Variants in PACSIN2 observed in about 807,000 individuals in gnomAD.
PACSIN2 encodes protein kinase C and casein kinase substrate in neurons 2, also known as protein kinase C and casein kinase substrate in neurons protein 2.
In PACSIN2, 25 loss-of-function variants were observed where a neutral mutation model predicts 63.8. The observed-to-expected ratio is 0.39, with a 90% CI of 0.29 to 0.55. The LOEUF is 0.55. PACSIN2 is among the 20% of genes least tolerant of loss of function. PACSIN2 has a pLI of 0.62. For synonymous variants in PACSIN2, 255 were observed against 256.2 expected (o/e 1.00, Z 0.05); for missense variants, 518 against 646.9 (o/e 0.80, Z 2.16).
chr22:42,903,197 G>C (rs573471196), intron 2 of PACSIN2, among the ~76,000 whole-genome samples: 117 of 152,330 alleles, frequency 7.7e-4, no homozygotes, highest in African/African-American at 2.8e-3. Context: ...CCAGGACTGA[G>C]TCCCTTCTCC....
intron 1 of PACSIN2, among the ~76,000 whole-genome samples, chr22:42,929,166 T>C (rs1932715680): frequency 6.6e-6 from 1 of 152,214 alleles, no homozygotes; most frequent in Non-Finnish European, 1.5e-5. Context: ...GACCCCAATG[T>C]CCGGGCTTGA....
intron 2 of PACSIN2, among the ~76,000 whole-genome samples, chr22:42,894,664 T>C (rs931396186): frequency 6.6e-6 from 1 of 152,240 alleles, no homozygotes; most frequent in Non-Finnish European, 1.5e-5. Context: ...ATCAAAGTTA[T>C]AAGTAATAAA....
chr22:43,000,016 C>A (rs1367048713), intron 1 of PACSIN2, among the ~76,000 whole-genome samples: 1 of 152,190 alleles, frequency 6.6e-6, no homozygotes, highest in Non-Finnish European at 1.5e-5. Flanking sequence ...TATCATGATC[C>A]CCATTTCAAA....
intron 1 of PACSIN2, among the ~76,000 whole-genome samples, chr22:43,012,131 G>A (rs1012055735): frequency 1.1e-4 from 16 of 150,942 alleles, no homozygotes; most frequent in Middle Eastern, 3.2e-3. Flanking sequence ...GCGACAGAGC[G>A]AGACTCTGTC....
At chr22:42,905,163 G>A (rs952879551) in intron 2 of PACSIN2, among the ~76,000 whole-genome samples, 8 of 152,128 alleles carry the variant, frequency 5.3e-5, no homozygotes, top group African/African-American at 1.7e-4. Flanking sequence ...ACAAAACCCC[G>A]AAGTGCTAAA....
At chr22:42,903,907 C>G (rs764295552) in intron 2 of PACSIN2, among the ~76,000 whole-genome samples, 1 of 152,054 alleles carries the variant, frequency 6.6e-6, no homozygotes, top group Non-Finnish European at 1.5e-5. Flanking sequence ...TCCTCAAGTA[C>G]GAAGGTGAAG....
chr22:42,979,695 G>A (rs5759070), intron 1 of PACSIN2, among the ~76,000 whole-genome samples: 86,157 of 151,390 alleles, frequency 0.57, 24,868 homozygotes, highest in East Asian at 0.77. Context: ...TCTGTCTTAA[G>A]GCACCTGCCG....
In PACSIN2 at chr22:42,870,942, ACCT is replaced by A. The variant is rs1928060698; in HGVS notation, c.*412_*414del. ...ACTGTACACAGCCTTTAAATTAAAA[ACCT>A]CAAAATCTTCACTCAAAATGGGATG... On this transcript the variant is annotated 3_prime_UTR_variant, in exon 11 of 11. Coordinates refer to ENST00000263246, the MANE Select transcript of PACSIN2 (RefSeq NM_001184970.3). 4.9e-6 allele frequency: 1 copy of A among 202,294 alleles called. No individual in the cohort carries two copies. The highest frequency in any genetic ancestry group is 1.0e-5 in the Non-Finnish European group (1 of 97,262). 12.5% of individuals were successfully genotyped at this position (202,294 alleles called of 1,614,324 possible). A position where few individuals can be genotyped will look rare whatever the true frequency, so the allele number is the denominator to read the frequency against.
intron 1 of PACSIN2, among the ~76,000 whole-genome samples, chr22:42,973,552 T>C (rs1921477070): frequency 6.6e-6 from 1 of 152,256 alleles, no homozygotes; most frequent in South Asian, 2.1e-4. Context: ...CATATACACT[T>C]TGGAATTTAC....
chr22:42,878,425 T>C (rs533736339), intron 8 of PACSIN2, among the ~76,000 whole-genome samples: 2 of 152,322 alleles, frequency 1.3e-5, no homozygotes, highest in South Asian at 4.1e-4. Context: ...GAGTGTCACA[T>C]GGAGGCCTGT....
chr22:42,940,444 G>C (rs1467573820), intron 1 of PACSIN2, among the ~76,000 whole-genome samples: 1 of 152,134 alleles, frequency 6.6e-6, no homozygotes, highest in Non-Finnish European at 1.5e-5. Flanking sequence ...ACACCAGGTA[G>C]CTCTCAAACT....
chr22:43,011,079 C>G (rs558982504), intron 1 of PACSIN2, among the ~76,000 whole-genome samples: 2 of 152,310 alleles, frequency 1.3e-5, no homozygotes, highest in African/African-American at 4.8e-5. Flanking sequence ...TGCAGAAATT[C>G]CTACAAAACT....
chr22:42,939,403 C>T (rs913801601), intron 1 of PACSIN2, among the ~76,000 whole-genome samples: 4 of 152,124 alleles, frequency 2.6e-5, no homozygotes, highest in African/African-American at 9.7e-5. Flanking sequence ...TTGATATTAA[C>T]ATGAGAATTC....
chr22:42,909,567 T>A, intron 2 of PACSIN2: 1 of 471,120 alleles, frequency 2.1e-6, no homozygotes, highest in South Asian at 1.5e-5. Flanking sequence ...TGATACCAGC[T>A]GGAGAGTAAT....
chr22:42,901,939 G>A (rs1455146654), intron 2 of PACSIN2, among the ~76,000 whole-genome samples: 2 of 152,198 alleles, frequency 1.3e-5, no homozygotes, highest in African/African-American at 2.4e-5. Flanking sequence ...TCTCCGTGGT[G>A]CAGAGGGAGC....
chr22:42,970,617 A>C (rs766651716), intron 1 of PACSIN2, among the ~76,000 whole-genome samples: 5 of 152,392 alleles, frequency 3.3e-5, no homozygotes, highest in Non-Finnish European at 7.3e-5. Context: ...ATAATACAAA[A>C]GTTTAACGAA....
intron 2 of PACSIN2, among the ~76,000 whole-genome samples, chr22:42,907,368 T>A (rs988403658): frequency 2.0e-5 from 3 of 152,248 alleles, no homozygotes; most frequent in African/African-American, 7.2e-5. Context: ...GATGCCTTAA[T>A]CCTTGCTCAT....
At chr22:42,909,144 C>T (rs893443799) in intron 2 of PACSIN2, among the ~76,000 whole-genome samples, 4 of 152,162 alleles carry the variant, frequency 2.6e-5, no homozygotes, top group Admixed American at 6.5e-5. Flanking sequence ...ACGTCCACTA[C>T]CCCATGCTGC....
At chr22:42,882,358 G>A in intron 6 of PACSIN2, 54 bp from the exon 7 acceptor site, 1 of 1,561,380 alleles carries the variant, frequency 6.4e-7, no homozygotes, top group Admixed American at 1.8e-5. Context: ...GCTACCCTTT[G>A]TCCCAGCCCA....
Sources: gnomAD v4.1 joint callset for allele counts (sites outside exome capture counted in the v4.1 genomes callset) on GRCh38, gnomAD v4.1.1 for gene constraint, MANE v1.5 for transcripts, NCBI Gene and HGNC (gene_info 2026-07-23, HGNC 2026-07-21) for gene names.